Variants in PER1 observed in about 807,000 individuals in gnomAD.
PER1 encodes period circadian regulator 1, also known as period circadian protein homolog 1.
Under a neutral mutation model 125.9 loss-of-function variants are expected in PER1, and 87 were observed. The ratio of observed to expected loss-of-function variants is 0.69; its 90% confidence interval spans 0.58 to 0.83. The LOEUF is 0.83. Among genes scored for constraint, PER1 ranks in the 40% least tolerant of loss-of-function variants. The pLI is 0.00. For missense variants in PER1, 1,775 were observed against 1,722.8 expected (o/e 1.03, Z -0.54); for synonymous variants, 801 against 714.7 (o/e 1.12, Z -1.93).
At chr17:8,143,951 C>A in intron 18 of PER1, 75 bp from the exon 19 acceptor site, 1 of 1,517,242 alleles carries the variant, frequency 6.6e-7, no homozygotes, top group East Asian at 2.3e-5. Context: ...TGCCCTGACA[C>A]GCTGACCAGG....
chr17:8,144,180 G>A lies in PER1; in HGVS notation c.2462-304C>T, dbSNP rs1456419987. The A allele has an allele frequency of 2.0e-5, 9 of 441,218 alleles. No individual in the cohort carries two copies. The East Asian group carries it at 3.3e-4, about 16-fold the overall frequency. The allele number at this position is 441,218 out of a possible 1,614,324, so 27.3% of individuals were successfully genotyped here. A position where few individuals can be genotyped will look rare whatever the true frequency, so the allele number is the denominator to read the frequency against. ...ATGGAGGAAGCAGGGTGAGTCCATG[G>A]ACACATGGACAGATGGCTCTGGTCC... On this transcript the variant is annotated intron_variant, in intron 18 of 22. Coordinates refer to ENST00000317276, the MANE Select transcript of PER1 (RefSeq NM_002616.3).
intron 11 of PER1, 32 bp downstream of exon 11, chr17:8,147,642 C>G: frequency 6.2e-7 from 1 of 1,613,808 alleles, no homozygotes; most frequent in Non-Finnish European, 8.5e-7. Context: ...TGCCCTATCC[C>G]CAACGCCAGC....
In PER1 at chr17:8,146,911, C is replaced by T. The variant is rs139026074; in HGVS notation, c.1721G>A (p.Arg574Gln). Residue 574 changes from arginine (R) to glutamine (Q), a missense_variant, in exon 14 of 23, where the codon CGG becomes CAG. Arg to Gln is a conservative substitution (Grantham distance 43). Coordinates refer to ENST00000317276, the MANE Select transcript of PER1 (RefSeq NM_002616.3). Reference protein sequence around the residue: ...FIESRARPQSRPRLPATGTFK... With the variant: ...FIESRARPQSQPRLPATGTFK... ...CATCAACTCACCAGGGAGGCGGGGC[C>T]GGGACTGAGGCCGGGCCCGAGACTC... 271 of 1,613,820 alleles carry T rather than the reference C, an allele frequency of 1.7e-4. No homozygotes were observed. In the African/African-American group the frequency reaches 3.0e-3, roughly 18 times the overall value.
rs767183245 is a variant in PER1 at position 8,148,019 on chromosome 17, G to C, written c.1212C>G (p.Leu404=). The C allele has an allele frequency of 6.2e-7, 1 of 1,613,122 alleles. No individual in the cohort carries two copies. The highest frequency in any genetic ancestry group is 1.7e-5 in the Admixed American group (1 of 59,858). ...CACTCTTCTTGTGGATAGCCAGCAT[G>C]AGGGGTCGGTCCTCAGGATGCAGGA... ...LLFLHPEDRP[L]MLAIHKKILQ... Residue 404 remains leucine (L), a synonymous_variant, in exon 10 of 23, where the codon CTC becomes CTG. Transcript: ENST00000317276.
rs562612534 is a variant in PER1 at position 8,149,828 on chromosome 17, C to A, written c.578G>T (p.Cys193Phe). 1.2e-6 allele frequency: 2 copies of A among 1,613,864 alleles called. No homozygotes were observed. Among genetic ancestry groups the A allele is most frequent in the East Asian group, 4.5e-5 (2 of 44,892 alleles). ...GGTATAGGTGGACATGTCCATGGAG[C>A]AAGGCTCGCCCTCCTCCAGGCTCCA... Reference protein sequence around the residue: ...QQWSLEEGEPCSMDMSTYTLE... With the variant: ...QQWSLEEGEPFSMDMSTYTLE... The change falls in exon 5 of 23, where the codon TGC (cysteine) becomes TTC (phenylalanine). Residue 193 changes from cysteine (C) to phenylalanine (F), a missense_variant. Transcript: ENST00000317276.
Position 8,143,882 on chromosome 17 carries a change from G to A in PER1, c.2462-6C>T, listed in dbSNP as rs1302697944. ...TGCGGGGCCGTGGTGGCAGCCTGTG[G>A]GGAGAGACTAGGGTTAGCAAGGACC... On this transcript the variant is annotated splice_polypyrimidine_tract_variant and splice_region_variant and intron_variant, in intron 18 of 22. Coordinates refer to ENST00000317276, the MANE Select transcript of PER1 (RefSeq NM_002616.3). The A allele has an allele frequency of 6.2e-7, 1 of 1,604,270 alleles. No individual in the cohort carries two copies. Among genetic ancestry groups the A allele is most frequent in the Non-Finnish European group, 8.5e-7 (1 of 1,177,396 alleles).
rs747291509 is a variant in PER1, at chr17:8,142,002, G to A, written c.3450-47C>T. The A allele has an allele frequency of 2.4e-5, 39 of 1,608,324 alleles. No individual in the cohort carries two copies. In the Admixed American group the frequency reaches 2.7e-4, roughly 11 times the overall value. ...AGGCAGAGGCTGGGATCCAGGACCC[G>A]GACCAGGACCCATGAAGCTGGCATC... On this transcript the variant is annotated intron_variant, in intron 21 of 22. Transcript: ENST00000317276.
rs1401184170 is a variant in PER1, at chr17:8,147,522, A to G, written c.1445T>C (p.Leu482Pro). Residue 482 changes from leucine (L) to proline (P), a missense_variant, in exon 12 of 23, where the codon CTG becomes CCG. Physicochemically the swap from Leu to Pro is moderately conservative, Grantham distance 98 (BLOSUM62 -3). Coordinates refer to ENST00000317276, the MANE Select transcript of PER1 (RefSeq NM_002616.3). The stretch of plus-strand genomic sequence containing the variant: ...TGACAGCTCCTGGATATCAGTGTCC[A>G]GGGAGGGAGCTGGGCTGGGGGCCGG... ...TPPAPSPAPS[L>P]DTDIQELSEQ... The G allele has an allele frequency of 4.3e-6, 7 of 1,613,912 alleles. No individual in the cohort carries two copies. The highest frequency in any genetic ancestry group is 2.7e-5 in the African/African-American group (2 of 75,032).
At position 8,140,997 on chromosome 17, in the gene PER1, G is replaced by T; in HGVS notation, c.*71C>A. On this transcript the variant is annotated 3_prime_UTR_variant, in exon 23 of 23. Coordinates refer to ENST00000317276, the MANE Select transcript of PER1 (RefSeq NM_002616.3). Reference sequence around the variant, plus strand: ...CCCACTGGTTGGTCTAGCCACATCTGAGTTCTGAGAATTGGGACATAGGAG... The same window carrying T: ...CCCACTGGTTGGTCTAGCCACATCTTAGTTCTGAGAATTGGGACATAGGAG... The T allele has an allele frequency of 6.6e-7, 1 of 1,515,916 alleles. No individual in the cohort carries two copies. Among genetic ancestry groups the T allele is most frequent in the Non-Finnish European group, 9.0e-7 (1 of 1,116,266 alleles). The allele number at this position is 1,515,916 out of a possible 1,614,324, so 93.9% of individuals were successfully genotyped here. A position where few individuals can be genotyped will look rare whatever the true frequency, so the allele number is the denominator to read the frequency against.
At chr17:8,150,922 C>A in intron 1 of PER1, 77 bp from the exon 2 acceptor site, 2 of 517,962 alleles carry the variant, frequency 3.9e-6, no homozygotes, top group Non-Finnish European at 3.4e-6. Flanking sequence ...TCACTCAGAC[C>A]TTCCCCCTGC....
At chr17:8,148,413 C>A (rs1029304110) in intron 8 of PER1, among the ~76,000 whole-genome samples, 154 bp from the exon 9 acceptor site, 14 of 152,190 alleles carry the variant, frequency 9.2e-5, no homozygotes, top group African/African-American at 3.1e-4. Flanking sequence ...ATCCTATGCC[C>A]TGTATCAGTA....
Position 8,149,561 on chromosome 17 carries a change from T to C in PER1, c.754A>G (p.Thr252Ala). The change falls in exon 6 of 23, where the codon ACC (threonine) becomes GCC (alanine). Residue 252 changes from threonine (T) to alanine (A), a missense_variant. By Grantham distance (58) the Thr-to-Ala change is moderately conservative. Coordinates refer to ENST00000317276, the MANE Select transcript of PER1 (RefSeq NM_002616.3). ...LRCKRDVFRG[T>A]RFSELLAPQD... is the part of the protein sequence containing the mutation. ...GGAGCCAGGAGCTCAGAGAAGCGGG[T>C]ACCCCGGAACACGTCCCGCTTGCAA... is the stretch of plus-strand genomic sequence containing the variant. 6.2e-7 allele frequency: 1 copy of C among 1,613,718 alleles called. No homozygotes were observed. The highest frequency in any genetic ancestry group is 8.5e-7 in the Non-Finnish European group (1 of 1,179,906).
In PER1 at chr17:8,149,681, G is replaced by A. The variant is rs984940082; in HGVS notation, c.652-18C>T. The A allele has an allele frequency of 1.2e-6, 2 of 1,610,314 alleles. No homozygotes were observed. The highest frequency in any genetic ancestry group is 1.7e-5 in the Admixed American group (1 of 59,966). ...AAGGTATCCTGGCAGGAGGGGGAGA[G>A]CAAGAGCAGATTCAAGAGCTGTGGG... On this transcript the variant is annotated intron_variant, in intron 5 of 22. Coordinates refer to ENST00000317276, the MANE Select transcript of PER1 (RefSeq NM_002616.3).
At position 8,141,947 on chromosome 17, in the gene PER1, G is replaced by T. The variant is rs1343263341; in HGVS notation, c.3458C>A (p.Thr1153Asn). 6.2e-7 allele frequency: 1 copy of T among 1,613,958 alleles called. No individual in the cohort carries two copies. The highest frequency in any genetic ancestry group is 8.5e-7 in the Non-Finnish European group (1 of 1,180,024). Residue 1153 changes from threonine (T) to asparagine (N), a missense_variant, in exon 22 of 23, where the codon ACC (threonine) becomes AAC (asparagine). Coordinates refer to ENST00000317276, the MANE Select transcript of PER1 (RefSeq NM_002616.3). Reference sequence around the variant, plus strand: ...CTCCCGATCCTGCTTCAGCACAGAGGTCATGTCCCTGCCCAAGAAGGGGTT... The same window carrying T: ...CTCCCGATCCTGCTTCAGCACAGAGTTCATGTCCCTGCCCAAGAAGGGGTT... The part of the protein sequence containing the change: ...MTYQVPSRDM[T>N]SVLKQDRERL...
chr17:8,142,745 T>C lies in PER1; in HGVS notation c.3163A>G (p.Thr1055Ala). ...LLLQEDSRSGTGSAASGSLGS... is the reference protein window; with the variant it reads ...LLLQEDSRSGAGSAASGSLGS... ...AAGGAGCCCGAGGCTGCGGAGCCTGTGCCGGAGCGCGAGTCCTCTTGCAGC... is the reference window on the plus strand; with the variant it reads ...AAGGAGCCCGAGGCTGCGGAGCCTGCGCCGGAGCGCGAGTCCTCTTGCAGC... The change falls in exon 20 of 23, where the codon ACA becomes GCA. Residue 1055 changes from threonine (T) to alanine (A), a missense_variant. Physicochemically the swap from Thr to Ala is moderately conservative, Grantham distance 58. Coordinates refer to ENST00000317276, the MANE Select transcript of PER1 (RefSeq NM_002616.3). 6.2e-7 allele frequency: 1 copy of C among 1,613,922 alleles called. No homozygotes were observed. Among genetic ancestry groups the C allele is most frequent in the Non-Finnish European group, 8.5e-7 (1 of 1,180,000 alleles).
intron 3 of PER1, 41 bp from the exon 4 acceptor site, chr17:8,150,166 C>A (rs1352527575): frequency 6.2e-7 from 1 of 1,607,122 alleles, no homozygotes; most frequent in South Asian, 1.1e-5. Context: ...AGACATTAGT[C>A]CCAGAGTGTG....
Sources: gnomAD v4.1 joint callset for allele counts (sites outside exome capture counted in the v4.1 genomes callset) on GRCh38, gnomAD v4.1.1 for gene constraint, MANE v1.5 for transcripts, NCBI Gene and HGNC (gene_info 2026-07-23, HGNC 2026-07-21) for gene names.